CNBD1: variants seen among roughly 807,000 people sequenced by gnomAD.
CNBD1 encodes cyclic nucleotide-binding domain-containing protein 1.
A neutral mutation model predicts 54.4 loss-of-function variants in CNBD1; 71 were observed. The observed-to-expected ratio is 1.30, with a 90% CI of 1.08 to 1.59. The LOEUF is 1.59. CNBD1 is among the 40% of genes most tolerant of loss of function. The pLI is 0.00. For synonymous variants in CNBD1, 182 were observed against 170.7 expected, an observed-to-expected ratio of 1.07 and a Z score of -0.51; for missense variants, 659 against 518.0, an observed-to-expected ratio of 1.27 and a Z score of -2.64.
downstream of CNBD1, among the ~76,000 whole-genome samples, chr8:87,384,609 A>G (rs914467191): frequency 3.9e-5 from 6 of 152,202 alleles, no homozygotes; most frequent in Non-Finnish European, 7.4e-5. Flanking sequence ...AAGACTAACA[A>G]ACACTTTCAG....
intron 2 of CNBD1, among the ~76,000 whole-genome samples, chr8:87,393,497 G>A (rs13265602): frequency 0.37 from 56,228 of 151,492 alleles, 10,764 homozygotes; most frequent in Middle Eastern, 0.45. Context: ...CATCTACTCC[G>A]TAATCAGGAG....
chr8:87,310,281 G>T (rs181212659), intron 8 of CNBD1, among the ~76,000 whole-genome samples: 172 of 152,216 alleles, frequency 1.1e-3, no homozygotes, highest in African/African-American at 3.8e-3. Flanking sequence ...CTTGACCCCA[G>T]GAGGTAGAGG....
intron 6 of CNBD1, among the ~76,000 whole-genome samples, chr8:87,271,815 T>C (rs1808371880): frequency 6.7e-6 from 1 of 149,598 alleles, no homozygotes; most frequent in Admixed American, 6.6e-5. Flanking sequence ...CCTATGCTTA[T>C]TGCAGCACTA....
In CNBD1 at chr8:87,120,216, T is replaced by C. The variant is rs900230268; in HGVS notation, c.432-85777T>C. Reference sequence around the variant, plus strand: ...ATTCCATCTGGTTCTGGGCTTTTCTTTTTTGAGAGACTGTTACTGATTCAA... The same window carrying C: ...ATTCCATCTGGTTCTGGGCTTTTCTCTTTTGAGAGACTGTTACTGATTCAA... On this transcript the variant is annotated intron_variant, in intron 4 of 10. Transcript: ENST00000518476. Among the ~76,000 whole-genome samples the C allele has an allele frequency of 2.0e-5, 3 of 152,162 alleles. No individual in the cohort carries two copies. The South Asian group carries it at 6.2e-4, about 32-fold the overall frequency.
At chr8:86,882,337 C>T (rs1808617696) in intron 1 of CNBD1, among the ~76,000 whole-genome samples, 1 of 151,938 alleles carries the variant, frequency 6.6e-6, no homozygotes, top group South Asian at 2.1e-4. Context: ...AAGAAAAAAA[C>T]AACCGCATTA....
At chr8:86,975,730 G>A (rs969773152) in intron 4 of CNBD1, among the ~76,000 whole-genome samples, 2 of 151,796 alleles carry the variant, frequency 1.3e-5, no homozygotes, top group African/African-American at 4.8e-5. Context: ...TTTCCATTCC[G>A]TTGGAGATAT....
chr8:87,001,700 A>C (rs1363099069), intron 4 of CNBD1, among the ~76,000 whole-genome samples: 3 of 152,182 alleles, frequency 2.0e-5, no homozygotes, highest in Non-Finnish European at 1.5e-5. Context: ...TTAAGGATGA[A>C]CTCAGCAGAG....
At chr8:86,977,040 C>T (rs1157902263) in intron 4 of CNBD1, among the ~76,000 whole-genome samples, 1 of 151,918 alleles carries the variant, frequency 6.6e-6, no homozygotes, top group Non-Finnish European at 1.5e-5. Context: ...ATTGCTCTGT[C>T]TAGAATTTCC....
intron 5 of CNBD1, among the ~76,000 whole-genome samples, chr8:87,206,757 A>T (rs1813984442): frequency 6.6e-6 from 1 of 152,190 alleles, no homozygotes; most frequent in South Asian, 2.1e-4. Context: ...AATTTAATAC[A>T]TTCTTTATGT....
At chr8:86,997,716 G>C (rs943064200) in intron 4 of CNBD1, among the ~76,000 whole-genome samples, 1 of 152,038 alleles carries the variant, frequency 6.6e-6, no homozygotes, top group Non-Finnish European at 1.5e-5. Context: ...TAGCCTTCAG[G>C]TTCCTAAGGA....
intron 4 of CNBD1, among the ~76,000 whole-genome samples, chr8:87,002,588 C>CTTT (rs757566782): frequency 1.4e-5 from 2 of 143,314 alleles, no homozygotes; most frequent in East Asian, 4.0e-4. Context: ...ATGCTGAAAC[C>CTTT]TTTTTTTTTT....
intron 5 of CNBD1, among the ~76,000 whole-genome samples, chr8:87,215,688 C>T (rs1814195122): frequency 1.3e-5 from 2 of 151,886 alleles, no homozygotes; most frequent in Admixed American, 6.6e-5. Flanking sequence ...TAAAATTCAA[C>T]GGAATTGTAC....
intron 3 of CNBD1, among the ~76,000 whole-genome samples, chr8:86,929,555 A>C (rs998163132): frequency 6.6e-6 from 1 of 152,226 alleles, no homozygotes; most frequent in African/African-American, 2.4e-5. Flanking sequence ...CTCAGGCAGC[A>C]TAAGTCTGGG....
intron 3 of CNBD1, among the ~76,000 whole-genome samples, chr8:86,919,201 T>C (rs898561618): frequency 6.6e-5 from 10 of 152,160 alleles, no homozygotes; most frequent in African/African-American, 2.2e-4. Context: ...TTCATTCATA[T>C]TGGGATCCAG....
intron 4 of CNBD1, among the ~76,000 whole-genome samples, chr8:87,176,139 C>T (rs1813192645): frequency 1.3e-5 from 2 of 152,194 alleles, no homozygotes; most frequent in South Asian, 4.1e-4. Context: ...CTTTTCTACC[C>T]TCTTCTGTGG....
intron 5 of CNBD1, among the ~76,000 whole-genome samples, chr8:87,231,138 C>A (rs545755907): frequency 6.6e-6 from 1 of 152,098 alleles, no homozygotes; most frequent in Middle Eastern, 3.4e-3. Context: ...TCTTTCTAGA[C>A]TTGTTTTTGT....
chr8:86,943,365 C>CAAAAAAAA (rs1158061860), intron 4 of CNBD1, among the ~76,000 whole-genome samples: 20 of 32,542 alleles, frequency 6.1e-4, no homozygotes, highest in East Asian at 1.3e-3. Context: ...GACTCCATCT[C>CAAAAAAAA]AAAAAAAAAA....
intron 4 of CNBD1, among the ~76,000 whole-genome samples, chr8:87,198,055 A>G (rs1337814893): frequency 6.6e-6 from 1 of 152,252 alleles, no homozygotes; most frequent in Admixed American, 6.5e-5. Context: ...AATTGTCAAA[A>G]TAAAATTTTT....
intron 4 of CNBD1, among the ~76,000 whole-genome samples, chr8:87,084,490 A>C (rs1338260271): frequency 1.3e-5 from 2 of 152,020 alleles, no homozygotes; most frequent in African/African-American, 4.8e-5. Context: ...TTTCTTCTGC[A>C]CTTGAAATAT....
Sources: gnomAD v4.1 joint callset for allele counts (sites outside exome capture counted in the v4.1 genomes callset) on GRCh38, gnomAD v4.1.1 for gene constraint, MANE v1.5 for transcripts, NCBI Gene and HGNC (gene_info 2026-07-23, HGNC 2026-07-21) for gene names.